Variants in SLC25A21 observed in about 807,000 individuals in gnomAD.
The protein encoded by SLC25A21 is mitochondrial 2-oxodicarboxylate carrier.
A neutral mutation model predicts 43.8 loss-of-function variants in SLC25A21; 47 were observed. The observed-to-expected ratio is 1.07, with a 90% CI of 0.85 to 1.37. The LOEUF (loss-of-function observed/expected upper bound fraction) is 1.37. Ranked by LOEUF, SLC25A21 falls within the 40% of genes most tolerant of loss-of-function variation. The pLI is 0.00. For synonymous variants in SLC25A21, 131 were observed against 121.3 expected, an observed-to-expected ratio of 1.08 and a Z score of -0.52; for missense variants, 352 against 350.2, an observed-to-expected ratio of 1.00 and a Z score of -0.04.
At chr14:36,832,239 C>G (rs970153215) in intron 2 of SLC25A21, among the ~76,000 whole-genome samples, 1 of 152,038 alleles carries the variant, frequency 6.6e-6, no homozygotes, top group Non-Finnish European at 1.5e-5. Context: ...TCCAAATCAA[C>G]CTAATGATTC....
chr14:36,844,406 C>T (rs1889479448), intron 2 of SLC25A21, among the ~76,000 whole-genome samples: 1 of 152,156 alleles, frequency 6.6e-6, no homozygotes, highest in African/African-American at 2.4e-5. Flanking sequence ...CAAGTGAGTA[C>T]CAGCAGTGCT....
At chr14:36,850,440 T>A (rs566308769) in intron 2 of SLC25A21, among the ~76,000 whole-genome samples, 1 of 152,160 alleles carries the variant, frequency 6.6e-6, no homozygotes, top group Non-Finnish European at 1.5e-5. Context: ...AATTTTTTTT[T>A]ATACACACTA....
chr14:36,829,854 C>T (rs1180372220), intron 2 of SLC25A21, among the ~76,000 whole-genome samples: 2 of 152,068 alleles, frequency 1.3e-5, no homozygotes, highest in African/African-American at 4.8e-5. Flanking sequence ...AAATAGTACA[C>T]CTTCATATTT....
intron 2 of SLC25A21, among the ~76,000 whole-genome samples, chr14:36,824,628 G>GC (rs1300264445): frequency 6.6e-6 from 1 of 152,214 alleles, no homozygotes; most frequent in East Asian, 1.9e-4. Context: ...AGCTAAAAGG[G>GC]CACCGGGCTA....
At chr14:37,038,390 A>C (rs933700584) in intron 1 of SLC25A21, among the ~76,000 whole-genome samples, 2 of 152,172 alleles carry the variant, frequency 1.3e-5, no homozygotes, top group African/African-American at 2.4e-5. Context: ...CATTTCTGAA[A>C]GTCCTCTCCC....
At chr14:36,948,879 C>CT (rs1375737625) in intron 1 of SLC25A21, among the ~76,000 whole-genome samples, 1 of 152,070 alleles carries the variant, frequency 6.6e-6, no homozygotes, top group Non-Finnish European at 1.5e-5. Flanking sequence ...CCTGTTTCTA[C>CT]TTTTCTCTAA....
intron 1 of SLC25A21, among the ~76,000 whole-genome samples, chr14:36,982,463 A>G (rs1256764034): frequency 2.0e-5 from 3 of 152,174 alleles, no homozygotes; most frequent in Non-Finnish European, 2.9e-5. Context: ...AAAAATAAGC[A>G]CAGGGCCATC....
intron 7 of SLC25A21, among the ~76,000 whole-genome samples, chr14:36,709,567 G>C (rs1883740076): frequency 6.6e-6 from 1 of 152,010 alleles, no homozygotes; most frequent in Admixed American, 6.6e-5. Context: ...AAGGATTTCA[G>C]ACCAAAAAAA....
chr14:37,160,631 T>C (rs1594824932), intron 1 of SLC25A21, among the ~76,000 whole-genome samples: 1 of 151,952 alleles, frequency 6.6e-6, no homozygotes, highest in Non-Finnish European at 1.5e-5. Flanking sequence ...TACAGTGAGA[T>C]AGTAGAAATA....
At chr14:36,811,381 T>C (rs1358468688) in intron 3 of SLC25A21, among the ~76,000 whole-genome samples, 1 of 152,132 alleles carries the variant, frequency 6.6e-6, no homozygotes, top group East Asian at 1.9e-4. Context: ...CTGGGTGTGG[T>C]GGCTCACACC....
At chr14:37,128,022 G>T (rs1401282017) in intron 1 of SLC25A21, among the ~76,000 whole-genome samples, 1 of 152,130 alleles carries the variant, frequency 6.6e-6, no homozygotes, top group Non-Finnish European at 1.5e-5. Context: ...GAAAAGTTAT[G>T]TTACAATCTG....
At chr14:36,922,137 T>TAAAAAAAA (rs564666171) in intron 1 of SLC25A21, among the ~76,000 whole-genome samples, 1 of 131,226 alleles carries the variant, frequency 7.6e-6, no homozygotes, top group African/African-American at 2.8e-5. Flanking sequence ...AGATTCTGCC[T>TAAAAAAAA]AAAAAAAAAA....
intron 1 of SLC25A21, among the ~76,000 whole-genome samples, chr14:36,893,781 C>T (rs1301984469): frequency 6.6e-6 from 1 of 152,174 alleles, no homozygotes; most frequent in Admixed American, 6.5e-5. Flanking sequence ...GTTTTCCCAG[C>T]ACCATTTATT....
chr14:36,728,965 T>A (rs1369069183), intron 5 of SLC25A21, among the ~76,000 whole-genome samples: 1 of 152,208 alleles, frequency 6.6e-6, no homozygotes, highest in East Asian at 1.9e-4. Flanking sequence ...AATGTTCAAA[T>A]CACCAAGTGA....
At chr14:36,902,430 C>T (rs550572062) in intron 1 of SLC25A21, among the ~76,000 whole-genome samples, 1 of 135,610 alleles carries the variant, frequency 7.4e-6, no homozygotes, top group South Asian at 2.6e-4. Context: ...AGCGAAGTAT[C>T]GTATAGTAAA....
chr14:36,742,143 A>G (rs942262779), intron 3 of SLC25A21, among the ~76,000 whole-genome samples: 4 of 152,216 alleles, frequency 2.6e-5, no homozygotes, highest in African/African-American at 4.8e-5. Context: ...AATTATACTG[A>G]AATACAGATC....
chr14:36,922,565 C>T (rs988748239), intron 1 of SLC25A21, among the ~76,000 whole-genome samples: 7 of 150,944 alleles, frequency 4.6e-5, no homozygotes, highest in Non-Finnish European at 1.0e-4. Context: ...AAATTGTTGG[C>T]TGCACACTTG....
At chr14:37,119,622 G>A (rs570097989) in intron 1 of SLC25A21, among the ~76,000 whole-genome samples, 19 of 152,104 alleles carry the variant, frequency 1.2e-4, no homozygotes, top group South Asian at 4.2e-4. Flanking sequence ...AGCCCACGCC[G>A]CTGCTCTGCC....
At chr14:37,079,742 C>T (rs541975716) in intron 1 of SLC25A21, among the ~76,000 whole-genome samples, 2 of 152,308 alleles carry the variant, frequency 1.3e-5, no homozygotes, top group African/African-American at 2.4e-5. Flanking sequence ...TGGAACCTGA[C>T]AAACATTCAG....
Sources: allele counts gnomAD v4.1 joint callset (sites outside exome capture counted in the v4.1 genomes callset), GRCh38; gene constraint gnomAD v4.1.1; transcripts MANE v1.5; gene names NCBI Gene and HGNC (gene_info 2026-07-23, HGNC 2026-07-21).